LRP1: variants seen among roughly 807,000 people sequenced by gnomAD.
LRP1 encodes the protein prolow-density lipoprotein receptor-related protein 1.
Under a neutral mutation model 541.5 loss-of-function variants are expected in LRP1, and 51 were observed. The observed-to-expected ratio is 0.09, with a 90% CI of 0.08 to 0.12. The LOEUF (loss-of-function observed/expected upper bound fraction) is 0.12. Ranked by LOEUF, LRP1 falls within the 10% of genes least tolerant of loss-of-function variation. The pLI, the probability that LRP1 is intolerant of heterozygous loss-of-function variation, is 1.00. For missense variants in LRP1, 3,878 were observed against 6,376.2 expected, an observed-to-expected ratio of 0.61 and a Z score of 13.34; for synonymous variants, 2,219 against 2,470.8, an observed-to-expected ratio of 0.90 and a Z score of 3.02.
intron 44 of LRP1, 128 bp from the exon 45 acceptor site, chr12:57,192,717 C>T (rs1191357623): frequency 1.7e-5 from 23 of 1,320,818 alleles, no homozygotes; most frequent in Middle Eastern, 3.7e-4. Flanking sequence ...GGCTGCAAGC[C>T]GCTGTGCCTG....
Position 57,204,313 on chromosome 12 carries a change from C to A in LRP1, c.10952-97C>A. ...TCCAATTTGGCTGTGCCACTGCTTG[C>A]CTGGTGACCCCTCTGAGCCTGGAAC... On this transcript the variant is annotated intron_variant, in intron 70 of 88. Transcript: ENST00000243077. The surrounding 1 kb of genome is among the most constrained non-coding windows in gnomAD (Gnocchi z 5.3). 7.3e-7 allele frequency: 1 copy of A among 1,362,144 alleles called. No homozygotes were observed. Among genetic ancestry groups the A allele is most frequent in the Non-Finnish European group, 9.7e-7 (1 of 1,028,892 alleles). The allele number at this position is 1,362,144 out of a possible 1,614,324, so 84.4% of individuals were successfully genotyped here.
intron 19 of LRP1, 145 bp downstream of exon 19, chr12:57,167,669 A>C: frequency 1.5e-6 from 1 of 652,684 alleles, no homozygotes. Flanking sequence ...GGGAGAAAAC[A>C]GGAGAAGTCA....
chr12:57,128,934 G>T lies in LRP1; in HGVS notation c.-31G>T. On this transcript the variant is annotated 5_prime_UTR_variant, in exon 1 of 89. Coordinates refer to ENST00000243077, the MANE Select transcript of LRP1 (RefSeq NM_002332.3). Reference sequence around the variant, plus strand: ...GGAGAGAAGTAGCAGGACCAGAGGGGAAGGGGCTGCTGCTTGCATCAGCCC... The same window carrying T: ...GGAGAGAAGTAGCAGGACCAGAGGGTAAGGGGCTGCTGCTTGCATCAGCCC... 1 of 1,532,740 alleles carries T rather than the reference G, an allele frequency of 6.5e-7. No individual in the cohort carries two copies. The highest frequency in any genetic ancestry group is 8.8e-7 in the Non-Finnish European group (1 of 1,132,180). The allele number at this position is 1,532,740 out of a possible 1,614,324, so 94.9% of individuals were successfully genotyped here.
At position 57,193,946 on chromosome 12, in the gene LRP1, A is replaced by G. The variant is rs1225335073; in HGVS notation, c.7852A>G (p.Ile2618Val). The G allele has an allele frequency of 2.5e-6, 4 of 1,614,168 alleles. No homozygotes were observed. Among genetic ancestry groups the G allele is most frequent in the East Asian group, 4.5e-5 (2 of 44,882 alleles). ...GTTCCGCTGCCGGGACGGGACCTGC[A>G]TCGGGAACTCCAGCCGCTGCAACCA... The part of the protein sequence containing the change: ...GEFRCRDGTC[I>V]GNSSRCNQFV... The change falls in exon 48 of 89, where the codon ATC becomes GTC. Residue 2618 changes from isoleucine (I) to valine (V), a missense_variant. This residue lies in a region of LRP1 where 1,100 missense variants were observed against 1,827.4 expected (regional missense o/e 0.60). Transcript: ENST00000243077.
In LRP1 at chr12:57,155,184, T is replaced by C. The variant is rs550595916; in HGVS notation, c.1227+483T>C. 7 of 242,436 alleles carry C rather than the reference T, an allele frequency of 2.9e-5. No individual in the cohort carries two copies. In the East Asian group the frequency reaches 6.9e-4, roughly 24 times the overall value. The allele number at this position is 242,436 out of a possible 1,614,324, so 15.0% of individuals were successfully genotyped here. ...TGTCCCAGTTTTAGCCCTGAAAGTCTGGTAAGCCAGCAAACCCTTACCTTT... is the reference window on the plus strand; with the variant it reads ...TGTCCCAGTTTTAGCCCTGAAAGTCCGGTAAGCCAGCAAACCCTTACCTTT... On this transcript the variant is annotated intron_variant, in intron 8 of 88. Coordinates refer to ENST00000243077, the MANE Select transcript of LRP1 (RefSeq NM_002332.3).
rs2036328258 is a variant in LRP1, at chr12:57,189,213, A to G, written c.7032-1592A>G. Among the ~76,000 whole-genome samples the G allele has an allele frequency of 6.6e-6, 1 of 152,172 alleles. No individual in the cohort carries two copies. Among genetic ancestry groups the G allele is most frequent in the African/African-American group, 2.4e-5 (1 of 41,442 alleles). The stretch of plus-strand genomic sequence containing the variant: ...GGTTCACCCAGACCACAGTTGTGTC[A>G]CATGGAGGAGTTTGTTGACGCCAGG... On this transcript the variant is annotated intron_variant, in intron 42 of 88. Coordinates refer to ENST00000243077, the MANE Select transcript of LRP1 (RefSeq NM_002332.3). The surrounding 1 kb of genome is among the most constrained non-coding windows in gnomAD (Gnocchi z 4.4).
rs1228648986 is a variant in LRP1 at position 57,154,188 on chromosome 12, C to T, written c.842-20C>T. 1.0e-5 allele frequency: 16 copies of T among 1,602,338 alleles called. No homozygotes were observed. Among genetic ancestry groups the T allele is most frequent in the Non-Finnish European group, 1.4e-5 (16 of 1,170,654 alleles). ...AGAGGGCCTACCCCACCCCATGGCT[C>T]TTTCATTCGTACTCTCCAGACGTGG... On this transcript the variant is annotated intron_variant, in intron 6 of 88. Coordinates refer to ENST00000243077, the MANE Select transcript of LRP1 (RefSeq NM_002332.3). This position sits in a 1 kb window ranked among gnomAD's most constrained non-coding sequence, Gnocchi z 4.6.
Position 57,196,075 on chromosome 12 carries a change from G to A in LRP1, c.8702-12G>A, listed in dbSNP as rs772728035. ...GAGACCCCGCTGACCTGCCGCCTCC[G>A]CCCCTCCGCAGAGCACAAGTGCAAT... On this transcript the variant is annotated splice_polypyrimidine_tract_variant and intron_variant, in intron 54 of 88. Transcript: ENST00000243077. 22 of 1,609,500 alleles carry A rather than the reference G, an allele frequency of 1.4e-5. No homozygotes were observed. Among genetic ancestry groups the A allele is most frequent in the South Asian group, 3.3e-5 (3 of 90,914 alleles).
intron 64 of LRP1, 102 bp downstream of exon 64, chr12:57,200,917 C>A (rs1353127063): frequency 1.9e-6 from 3 of 1,564,228 alleles, no homozygotes; most frequent in Non-Finnish European, 1.8e-6. Flanking sequence ...CGGCAGCTTG[C>A]TCTCCAGGCT....
At chr12:57,193,467 G>C in intron 46 of LRP1, 99 bp from the exon 47 acceptor site, 1 of 1,535,716 alleles carries the variant, frequency 6.5e-7, no homozygotes, top group African/African-American at 1.4e-5. Flanking sequence ...TGGGCCTTTG[G>C]GTTTGGGGGT....
intron 46 of LRP1, 89 bp from the exon 47 acceptor site, chr12:57,193,477 T>C: frequency 6.5e-7 from 1 of 1,546,002 alleles, no homozygotes; most frequent in Non-Finnish European, 8.8e-7. Flanking sequence ...GGTTTGGGGG[T>C]GGCCAGCTGG....
At position 57,203,221 on chromosome 12, in the gene LRP1, C is replaced by T. The variant is rs745906719; in HGVS notation, c.10752C>T (p.Asn3584=). ...PCSESEFSCA[N]GRCIAGRWKC... is the part of the protein sequence containing the mutation. The stretch of plus-strand genomic sequence containing the variant: ...CCGAGAGTGAGTTCTCCTGTGCCAA[C>T]GGCCGCTGCATCGCGGGGCGCTGGA... The change falls in exon 69 of 89, where the codon AAC becomes AAT. Residue 3584 remains asparagine (N), a synonymous_variant. Transcript: ENST00000243077. 31 of 1,609,972 alleles carry T rather than the reference C, an allele frequency of 1.9e-5. No individual in the cohort carries two copies. Among genetic ancestry groups the T allele is most frequent in the South Asian group, 8.8e-5 (8 of 90,502 alleles).
chr12:57,211,907 G>A lies in LRP1; in HGVS notation c.13259-20G>A. ...CTTCCCTGAGCCTTGGTGACTCAGTGTCCCACCTCTTCCCTCCAGATATAG... is the reference window on the plus strand; with the variant it reads ...CTTCCCTGAGCCTTGGTGACTCAGTATCCCACCTCTTCCCTCCAGATATAG... On this transcript the variant is annotated intron_variant, in intron 86 of 88. Coordinates refer to ENST00000243077, the MANE Select transcript of LRP1 (RefSeq NM_002332.3). The surrounding 1 kb of genome is among the most constrained non-coding windows in gnomAD (Gnocchi z 4.3). 1 of 1,613,886 alleles carries A rather than the reference G, an allele frequency of 6.2e-7. No homozygotes were observed.
At chr12:57,181,818 G>A (rs2036171567) in intron 34 of LRP1, among the ~76,000 whole-genome samples, 1 of 152,126 alleles carries the variant, frequency 6.6e-6, no homozygotes. Flanking sequence ...GCCTGGGCTG[G>A]GCTCAGTAAG....
At position 57,199,333 on chromosome 12, in the gene LRP1, G is replaced by A. The variant is rs371123820; in HGVS notation, c.9798G>A (p.Thr3266=). 94 of 1,613,274 alleles carry A rather than the reference G, an allele frequency of 5.8e-5. 1 individual carries two copies. Among genetic ancestry groups the A allele is most frequent in the Non-Finnish European group, 7.3e-5 (86 of 1,179,958 alleles). Residue 3266 remains threonine, a synonymous_variant, in exon 61 of 89, where the codon ACG becomes ACA. Transcript: ENST00000243077. ...RAHKTTGTNK[T]LLISTLHRPM... is the part of the protein sequence containing the mutation. Reference sequence around the variant, plus strand: ...ACAAGACCACGGGCACCAACAAAACGCTCCTCATCAGCACGCTGCACCGGC... The same window carrying A: ...ACAAGACCACGGGCACCAACAAAACACTCCTCATCAGCACGCTGCACCGGC...
chr12:57,138,449 C>T lies in LRP1; in HGVS notation c.68-10C>T, dbSNP rs199541546. On this transcript the variant is annotated splice_polypyrimidine_tract_variant and intron_variant, in intron 1 of 88. Transcript: ENST00000243077. ...CTTCATTTATATCCCCTTTTCTTTCCTTGCCCTAGCCCCTAAGACTTGCAG... is the reference window on the plus strand; with the variant it reads ...CTTCATTTATATCCCCTTTTCTTTCTTTGCCCTAGCCCCTAAGACTTGCAG... The T allele has an allele frequency of 1.9e-3, 3,095 of 1,613,034 alleles. 12 individuals carry two copies. Among genetic ancestry groups the T allele is most frequent in the Non-Finnish European group, 1.7e-3 (1,996 of 1,179,390 alleles).
intron 1 of LRP1, among the ~76,000 whole-genome samples, chr12:57,130,859 C>T (rs1213696771): frequency 6.6e-6 from 1 of 152,110 alleles, no homozygotes; most frequent in East Asian, 1.9e-4. Flanking sequence ...ACCCACGCCC[C>T]CTCTGTATCT....
rs1031302605 is a variant in LRP1 at position 57,212,518 on chromosome 12, G to A, written c.13598G>A (p.Arg4533Gln). 7.4e-6 allele frequency: 12 copies of A among 1,613,168 alleles called. No individual in the cohort carries two copies. The highest frequency in any genetic ancestry group is 2.2e-5 in the East Asian group (1 of 44,878). The change falls in exon 89 of 89, where the codon CGG becomes CAG. Residue 4533 changes from arginine to glutamine, a missense_variant. Coordinates refer to ENST00000243077, the MANE Select transcript of LRP1 (RefSeq NM_002332.3). This position sits in a 1 kb window ranked among gnomAD's most constrained non-coding sequence, Gnocchi z 5.0. ...GACGAGAAGCGAGAACTCCTGGGCC[G>A]GGGCCCTGAGGACGAGATAGGGGAC... ...STDEKRELLGRGPEDEIGDPL... is the reference protein window; with the variant it reads ...STDEKRELLGQGPEDEIGDPL...
In LRP1 at chr12:57,129,157, A is replaced by T. The variant is rs549030273; in HGVS notation, c.67+126A>T. On this transcript the variant is annotated intron_variant, in intron 1 of 88. Coordinates refer to ENST00000243077, the MANE Select transcript of LRP1 (RefSeq NM_002332.3). ...CTTTTGTTATCCCAGTCCAGCTGAC[A>T]CAGCAGCGGCCCGACTGGGGGCGGG... 4.0e-5 allele frequency: 41 copies of T among 1,032,904 alleles called. No individual in the cohort carries two copies. The East Asian group carries it at 1.1e-3, about 27-fold the overall frequency. The allele number at this position is 1,032,904 out of a possible 1,614,324, so 64.0% of individuals were successfully genotyped here.
Sources: gnomAD v4.1 joint callset for allele counts (sites outside exome capture counted in the v4.1 genomes callset) on GRCh38, gnomAD v4.1.1 for gene constraint, gnomAD v4.1.1 regional missense constraint, Gnocchi (gnomAD v3.1) non-coding constraint, MANE v1.5 for transcripts, NCBI Gene and HGNC (gene_info 2026-07-23, HGNC 2026-07-21) for gene names.